The following EFHB variants were observed in gnomAD, a reference collection of about 807,000 sequenced individuals.
The protein encoded by EFHB is EF-hand domain family member B.
In EFHB, 91 loss-of-function variants were observed where a neutral mutation model predicts 87.2. That is an observed-to-expected ratio of 1.04 (90% confidence interval 0.88 to 1.24). The LOEUF (loss-of-function observed/expected upper bound fraction) is 1.24. Among genes scored for constraint, EFHB ranks in the 50% most tolerant of loss-of-function variants. The pLI, the probability that EFHB is intolerant of heterozygous loss-of-function variation, is 0.00. For missense variants in EFHB, 1,084 were observed against 998.8 expected, an observed-to-expected ratio of 1.09 and a Z score of -1.15; for synonymous variants, 325 against 333.6, an observed-to-expected ratio of 0.97 and a Z score of 0.28.
intron 1 of EFHB, among the ~76,000 whole-genome samples, chr3:19,931,164 A>AAAAAC (rs1439209420): frequency 2.0e-5 from 3 of 152,050 alleles, no homozygotes; most frequent in East Asian, 1.9e-4. Context: ...CTCTGTCTCA[A>AAAAAC]AAAACAAAAC....
At chr3:19,943,901 T>C (rs576271647) in intron 1 of EFHB, among the ~76,000 whole-genome samples, 26 of 152,218 alleles carry the variant, frequency 1.7e-4, no homozygotes, top group Non-Finnish European at 3.4e-4. Context: ...ATGAAGACAA[T>C]GCATAATATC....
chr3:19,929,633 C>G (rs915155150), intron 1 of EFHB, among the ~76,000 whole-genome samples: 123 of 139,512 alleles, frequency 8.8e-4, no homozygotes, highest in African/African-American at 3.3e-3. Context: ...TGCTTGAACC[C>G]AGGAGGCGGA....
At chr3:19,934,297 T>G, upstream of EFHB, 4 of 1,324,708 alleles carry the variant, frequency 3.0e-6, no homozygotes, top group Non-Finnish European at 3.9e-6. Context: ...CATCTCTCAT[T>G]CTTCTCTCTC....
intron 5 of EFHB, among the ~76,000 whole-genome samples, chr3:19,913,004 A>G (rs1394573878): frequency 6.6e-6 from 1 of 152,242 alleles, no homozygotes; most frequent in Non-Finnish European, 1.5e-5. Context: ...GCAGTGGCTA[A>G]TGCCTGTAAT....
intron 1 of EFHB, among the ~76,000 whole-genome samples, chr3:19,926,274 T>A (rs1202642627): frequency 6.6e-6 from 1 of 152,208 alleles, no homozygotes; most frequent in East Asian, 1.9e-4. Context: ...GCAGGTAGTA[T>A]GTAATTTTTC....
chr3:19,932,377 T>A (rs1695856961), intron 1 of EFHB, among the ~76,000 whole-genome samples: 1 of 152,234 alleles, frequency 6.6e-6, no homozygotes, highest in East Asian at 1.9e-4. Context: ...ATATGTTTTA[T>A]CCCTATATTC....
chr3:19,922,865 AC>A (rs1230179894), intron 1 of EFHB, among the ~76,000 whole-genome samples: 1 of 152,226 alleles, frequency 6.6e-6, no homozygotes, highest in Non-Finnish European at 1.5e-5. Flanking sequence ...ATAAGTTTCA[AC>A]TATTATTACA....
In EFHB at chr3:19,884,420, C is replaced by T. The variant is rs765596488; in HGVS notation, c.2129G>A (p.Gly710Glu). The T allele has an allele frequency of 1.9e-6, 3 of 1,613,500 alleles. No homozygotes were observed. Among genetic ancestry groups the T allele is most frequent in the Non-Finnish European group, 8.5e-7 (1 of 1,179,764 alleles). Residue 710 changes from glycine to glutamate, a missense_variant, in exon 11 of 13, where the codon GGA (glycine) becomes GAA (glutamate). Transcript: ENST00000295824. ...TGACATACAAGTAGAAGGAATGGCT[C>T]CTACAATTGCATTGATCTCAGAAGA... ...TTSSEINAIV[G>E]AIPSTCYPIC...
intron 5 of EFHB, among the ~76,000 whole-genome samples, chr3:19,909,741 C>G (rs1035436134): frequency 1.1e-4 from 16 of 152,132 alleles, no homozygotes; most frequent in Admixed American, 4.6e-4. Context: ...ATCTAGGACA[C>G]CACCTCAGCC....
chr3:19,944,267 G>T (rs1285481154), intron 1 of EFHB, among the ~76,000 whole-genome samples: 1 of 152,188 alleles, frequency 6.6e-6, no homozygotes, highest in East Asian at 1.9e-4. Context: ...AGAAGGAAAA[G>T]GTTATGGGAT....
chr3:19,904,464 A>G (rs1453108558), intron 6 of EFHB, among the ~76,000 whole-genome samples: 1 of 152,098 alleles, frequency 6.6e-6, no homozygotes, highest in African/African-American at 2.4e-5. Flanking sequence ...TCAGCCTCCC[A>G]AAGCACTGGG....
At chr3:19,895,011 AATAT>A (rs1345951118) in intron 9 of EFHB, 1 of 141,318 alleles carries the variant, frequency 7.1e-6, no homozygotes, top group African/African-American at 2.7e-5. Context: ...TATATATAAA[AATAT>A]ATAGTTTTTA....
chr3:19,918,488 C>T (rs1575032573), intron 3 of EFHB, 76 bp from the exon 4 acceptor site: 1 of 1,336,976 alleles, frequency 7.5e-7, no homozygotes, highest in East Asian at 2.5e-5. Flanking sequence ...TAATCAATAG[C>T]TGGGGAGAGG....
chr3:19,938,123 C>T (rs1280909303), upstream of EFHB, among the ~76,000 whole-genome samples: 1 of 152,204 alleles, frequency 6.6e-6, no homozygotes, highest in African/African-American at 2.4e-5. Flanking sequence ...CCTAGGTTCC[C>T]TTCACCTGGA....
upstream of EFHB, chr3:19,936,350 G>C: frequency 2.6e-6 from 1 of 385,648 alleles, no homozygotes. Context: ...AAAAAAAAAA[G>C]TCCAGGAGTT....
intron 5 of EFHB, among the ~76,000 whole-genome samples, chr3:19,906,044 G>A (rs1008018592): frequency 2.6e-5 from 4 of 152,144 alleles, no homozygotes; most frequent in Non-Finnish European, 5.9e-5. Flanking sequence ...AATTTGGCTG[G>A]GCACAGTAGC....
intron 4 of EFHB, among the ~76,000 whole-genome samples, chr3:19,917,952 C>T (rs1236653225): frequency 6.6e-6 from 1 of 152,176 alleles, no homozygotes; most frequent in East Asian, 1.9e-4. Context: ...CTCTAGCTAG[C>T]CCCAGAGCCA....
At chr3:19,907,907 T>C (rs1694892365) in intron 5 of EFHB, among the ~76,000 whole-genome samples, 1 of 152,144 alleles carries the variant, frequency 6.6e-6, no homozygotes, top group African/African-American at 2.4e-5. Flanking sequence ...TTGGCTGAGC[T>C]CATTATTGGG....
At chr3:19,882,880 A>AC (rs58853219) in intron 11 of EFHB, 149 bp from the exon 12 acceptor site, 211,212 of 543,424 alleles carry the variant, frequency 0.39, 45,210 homozygotes, top group African/African-American at 0.68. Flanking sequence ...ACATTTTAGT[A>AC]AAAAAAGGAA....
Sources: allele counts gnomAD v4.1 joint callset (sites outside exome capture counted in the v4.1 genomes callset), GRCh38; gene constraint gnomAD v4.1.1; transcripts MANE v1.5; gene names NCBI Gene and HGNC (gene_info 2026-07-23, HGNC 2026-07-21).